The following CYP24A1 variants were observed in gnomAD, a reference collection of about 807,000 sequenced individuals.
CYP24A1 encodes the protein cytochrome P450 family 24 subfamily A member 1.
A neutral mutation model predicts 62.4 loss-of-function variants in CYP24A1; 68 were observed. The observed-to-expected ratio is 1.09, with a 90% confidence interval of 0.90 to 1.33. CYP24A1 has a LOEUF of 1.33. Among genes scored for constraint, CYP24A1 ranks in the 40% most tolerant of loss-of-function variants. The pLI is 0.00. For missense variants in CYP24A1, 787 were observed against 653.0 expected (o/e 1.21, Z -2.24); for synonymous variants, 267 against 253.0 (o/e 1.06, Z -0.52).
chr20:54,144,501 A>G, the CYP24A1 span, among the ~76,000 whole-genome samples: 2 of 151,678 alleles, frequency 1.3e-5, no homozygotes, highest in African/African-American at 4.8e-5. Flanking sequence ...GTGATCCTCC[A>G]GCCTCAGCCT....
Position 54,173,366 on chromosome 20 carries a change from G to T in CYP24A1, c.214C>A (p.Gln72Lys). 2 of 1,602,664 alleles carry T rather than the reference G, an allele frequency of 1.2e-6. No individual in the cohort carries two copies. Among genetic ancestry groups the T allele is most frequent in the Non-Finnish European group, 1.7e-6 (2 of 1,173,714 alleles). Residue 72 changes from glutamine to lysine, a missense_variant, in exon 1 of 12, where the codon CAG becomes AAG. Coordinates refer to ENST00000216862, the MANE Select transcript of CYP24A1 (RefSeq NM_000782.5). This position sits in a 1 kb window ranked among gnomAD's most constrained non-coding sequence, Gnocchi z 7.2. ...TTGAGACCCCCTTTCCAGAGAATCT[G>T]CAGCAGGCTGCCCAGCAGTGGCCAG... The part of the protein sequence containing the change: ...TSWPLLGSLL[Q>K]ILWKGGLKKQ...
chr20:54,162,462 C>G, intron 7 of CYP24A1: 2 of 270,150 alleles, frequency 7.4e-6, no homozygotes, highest in Non-Finnish European at 1.3e-5. Context: ...AAGTCTCCTC[C>G]TACCCAGAGT....
Position 54,162,753 on chromosome 20 carries a change from A to G in CYP24A1, c.954T>C (p.Ala318=), listed in dbSNP as rs955438162. 1 of 1,599,330 alleles carries G rather than the reference A, an allele frequency of 6.3e-7. No homozygotes were observed. Among genetic ancestry groups the G allele is most frequent in the Admixed American group, 1.7e-5 (1 of 59,962 alleles). ...CAGCCAGCTGGAGCTCTGTGACAGC[A>G]GCATACAATTCTTTCTTTGAAAGCC... ...QNRLSKKELY[A]AVTELQLAAV... is the part of the protein sequence containing the mutation. Residue 318 remains alanine, a synonymous_variant, in exon 7 of 12, where the codon GCT becomes GCC. Coordinates refer to ENST00000216862, the MANE Select transcript of CYP24A1 (RefSeq NM_000782.5).
intron 8 of CYP24A1, 29 bp downstream of exon 8, chr20:54,158,928 T>C: frequency 6.2e-7 from 1 of 1,614,148 alleles, no homozygotes; most frequent in Non-Finnish European, 8.5e-7. Flanking sequence ...TTCTAACACA[T>C]TTATATTGGC....
rs2092620808 is a variant in CYP24A1 at position 54,154,741 on chromosome 20, G to A, written c.*31C>T. 1 of 153,000 alleles carries A rather than the reference G, an allele frequency of 6.5e-6. No homozygotes were observed. The highest frequency in any genetic ancestry group is 1.5e-5 in the Non-Finnish European group (1 of 68,602). 9.5% of individuals were successfully genotyped at this position (153,000 alleles called of 1,614,324 possible). ...CAGTCCGCTTCCCTGAGTTGGATAT[G>A]ATGTTAGCAAATACCACCATCTAGA... On this transcript the variant is annotated 3_prime_UTR_variant, in exon 12 of 12. Transcript: ENST00000216862.
chr20:54,157,239 C>CATCTCA lies in CYP24A1; in HGVS notation c.1479_1484dup (p.Glu494_Met495insIleGlu). On this transcript the variant is annotated inframe_insertion, in exon 11 of 12. Coordinates refer to ENST00000216862, the MANE Select transcript of CYP24A1 (RefSeq NM_000782.5). ...TGGGCACCAGGGTGCCTGAGTGTAG[C>CATCTCA]ATCTCAACAGGCTCATTGTCTGTGG... 6.2e-7 allele frequency: 1 copy of CATCTCA among 1,613,572 alleles called. No individual in the cohort carries two copies. Among genetic ancestry groups the CATCTCA allele is most frequent in the South Asian group, 1.1e-5 (1 of 91,026 alleles).
chr20:54,144,102 G>A, the CYP24A1 span, among the ~76,000 whole-genome samples: 5 of 152,212 alleles, frequency 3.3e-5, no homozygotes, highest in Non-Finnish European at 5.9e-5. Context: ...CCTGAGCTGG[G>A]TAGTCACATG....
chr20:54,156,515 A>G (rs927709086), intron 11 of CYP24A1, among the ~76,000 whole-genome samples: 2 of 152,220 alleles, frequency 1.3e-5, no homozygotes, highest in African/African-American at 4.8e-5. Flanking sequence ...TCCTGTAACC[A>G]TGAAGAACTA....
chr20:54,147,415 A>G, the CYP24A1 span, among the ~76,000 whole-genome samples: 1 of 152,182 alleles, frequency 6.6e-6, no homozygotes, highest in Non-Finnish European at 1.5e-5. Context: ...GCCAGGTGCT[A>G]TCAAGAGTAG....
chr20:54,157,950 T>G, intron 9 of CYP24A1, 136 bp downstream of exon 9: 1 of 1,438,146 alleles, frequency 7.0e-7, no homozygotes, highest in South Asian at 1.3e-5. Context: ...CTATGCAACA[T>G]GTCAACTATT....
rs1462443834 is a variant in CYP24A1, at chr20:54,157,151, A to T, written c.*10+18T>A. Reference sequence around the variant, plus strand: ...TCTCACTACCTTGCAGAGGATAATGAACCGCCTAGATGCTCACCTGAGGCG... The same window carrying T: ...TCTCACTACCTTGCAGAGGATAATGTACCGCCTAGATGCTCACCTGAGGCG... On this transcript the variant is annotated intron_variant, in intron 11 of 11. Transcript: ENST00000216862. The T allele has an allele frequency of 8.3e-7, 1 of 1,200,866 alleles. No individual in the cohort carries two copies. The highest frequency in any genetic ancestry group is 1.5e-5 in the African/African-American group (1 of 66,412). 74.4% of individuals were successfully genotyped at this position (1,200,866 alleles called of 1,614,324 possible). A position where few individuals can be genotyped will look rare whatever the true frequency, so the allele number is the denominator to read the frequency against.
In CYP24A1 at chr20:54,173,112, G is replaced by A. The variant is rs758364747; in HGVS notation, c.259-13C>T. The stretch of plus-strand genomic sequence containing the variant: ...TGTGGTACTCCACCTGCAGCCGGCC[G>A]GGCACAGCGCGGTGTCAGCGCGCAT... On this transcript the variant is annotated splice_polypyrimidine_tract_variant and intron_variant, in intron 1 of 11. Transcript: ENST00000216862. The surrounding 1 kb of genome is among the most constrained non-coding windows in gnomAD (Gnocchi z 7.2). 27 of 1,601,284 alleles carry A rather than the reference G, an allele frequency of 1.7e-5. No homozygotes were observed. The highest frequency in any genetic ancestry group is 5.5e-5 in the South Asian group (5 of 91,040).
chr20:54,158,004 A>C (rs1202071036), intron 9 of CYP24A1, 82 bp downstream of exon 9: 2 of 1,587,554 alleles, frequency 1.3e-6, no homozygotes, highest in Non-Finnish European at 1.7e-6. Context: ...TTCCAGTACA[A>C]AGTCTAGGGA....
chr20:54,164,375 T>C, intron 6 of CYP24A1, 77 bp downstream of exon 6: 1 of 1,611,806 alleles, frequency 6.2e-7, no homozygotes, highest in South Asian at 1.1e-5. Flanking sequence ...AGGAGATCAC[T>C]CCAGACCTCC....
intron 6 of CYP24A1, 125 bp from the exon 7 acceptor site, chr20:54,162,987 A>G (rs1439897302): frequency 1.4e-6 from 1 of 728,688 alleles, no homozygotes; most frequent in African/African-American, 1.7e-5. Context: ...AACACTGACA[A>G]TTTGCTACAC....
intron 11 of CYP24A1, among the ~76,000 whole-genome samples, chr20:54,156,679 C>T (rs1031078680): frequency 1.4e-4 from 21 of 152,200 alleles, no homozygotes; most frequent in African/African-American, 5.1e-4. Context: ...GTGTAACTCA[C>T]TAAGTTTTAG....
At chr20:54,143,802 A>C in the CYP24A1 span, among the ~76,000 whole-genome samples, 1 of 152,022 alleles carries the variant, frequency 6.6e-6, no homozygotes, top group Non-Finnish European at 1.5e-5. Flanking sequence ...GAAAAAACTA[A>C]AAACAGGCTT....
chr20:54,150,227 T>C (rs1363595634), downstream of CYP24A1, among the ~76,000 whole-genome samples: 1 of 152,246 alleles, frequency 6.6e-6, no homozygotes, highest in African/African-American at 2.4e-5. Context: ...AAATTTTTAC[T>C]CTGGTTGACT....
rs552660376 is a variant in CYP24A1, at chr20:54,165,779, C to T, written c.695G>A (p.Gly232Glu). ...CATGATGAAGTTCACAGCTTCATCC[C>T]CTGCATTCTTCTGGAGAAGCCCAAA... ...KRFGLLQKNA[G>E]DEAVNFIMAI... Residue 232 changes from glycine (G) to glutamate (E), a missense_variant, in exon 5 of 12, where the codon GGG (glycine) becomes GAG (glutamate). Coordinates refer to ENST00000216862, the MANE Select transcript of CYP24A1 (RefSeq NM_000782.5). 3.0e-5 allele frequency: 47 copies of T among 1,545,760 alleles called. 1 individual carries two copies. The East Asian group carries it at 8.5e-4, about 28-fold the overall frequency.
Sources: allele counts gnomAD v4.1 joint callset (sites outside exome capture counted in the v4.1 genomes callset), GRCh38; gene constraint gnomAD v4.1.1; non-coding constraint Gnocchi (gnomAD v3.1); transcripts MANE v1.5; gene names NCBI Gene and HGNC (gene_info 2026-07-23, HGNC 2026-07-21).